Variants in PLA2G4D observed in about 807,000 individuals in gnomAD.
The protein encoded by PLA2G4D is phospholipase A2 group IVD, also known as cytosolic phospholipase A2 delta.
PLA2G4D carries 80 observed loss-of-function variants against 94.4 expected under a neutral mutation model. The observed-to-expected ratio is 0.85, with a 90% CI of 0.71 to 1.02. PLA2G4D has a LOEUF of 1.02. Ranked by LOEUF, PLA2G4D falls within the 50% of genes least tolerant of loss-of-function variation. The probability of loss-of-function intolerance (pLI) is 0.00; values close to 1 mark genes in which losing one functional copy is unlikely to be tolerated. For synonymous variants in PLA2G4D, 438 were observed against 440.9 expected, an observed-to-expected ratio of 0.99 and a Z score of 0.08; for missense variants, 1,050 against 1,034.7, an observed-to-expected ratio of 1.01 and a Z score of -0.20.
At chr15:42,087,243 C>A (rs970575602) in intron 3 of PLA2G4D, 57 bp downstream of exon 3, 4 of 1,607,838 alleles carry the variant, frequency 2.5e-6, no homozygotes, top group Non-Finnish European at 3.4e-6. Context: ...CCCAGGAACC[C>A]TTGCATGGGG....
At chr15:42,079,456 G>A (rs1889989307) in intron 13 of PLA2G4D, 81 bp downstream of exon 13, 15 of 1,360,948 alleles carry the variant, frequency 1.1e-5, no homozygotes, top group Middle Eastern at 2.5e-4. Flanking sequence ...AAATACGCAC[G>A]CGCATGTCAG....
At chr15:42,082,658 A>G (rs1020871028) in intron 8 of PLA2G4D, among the ~76,000 whole-genome samples, 35 of 152,292 alleles carry the variant, frequency 2.3e-4, no homozygotes, top group African/African-American at 8.4e-4. Context: ...AAGTGGTGTG[A>G]TATGACAGTT....
rs553174244 is a variant in PLA2G4D, at chr15:42,092,012, C to T, written c.45+2403G>A. Among the ~76,000 whole-genome samples the T allele has an allele frequency of 5.3e-5, 8 of 152,226 alleles. No individual in the cohort carries two copies. The South Asian group carries it at 1.0e-3, about 20-fold the overall frequency. ...ACAGCCAGACATTCAGGGCCACTACCGGTCTCCGCGCATTGGTGGCAGTGG... is the reference window on the plus strand; with the variant it reads ...ACAGCCAGACATTCAGGGCCACTACTGGTCTCCGCGCATTGGTGGCAGTGG... On this transcript the variant is annotated intron_variant, in intron 1 of 19. Transcript: ENST00000290472.
rs148178869 is a variant in PLA2G4D at position 42,086,474 on chromosome 15, TA to T, written c.256-131del. ...GCCACCACACGTCTGCGCTTCAAAA[TA>T]AAAAAAAAAACTGTAAAACTTAAAT... On this transcript the variant is annotated intron_variant, in intron 3 of 19. Coordinates refer to ENST00000290472, the MANE Select transcript of PLA2G4D (RefSeq NM_178034.4). The T allele has an allele frequency of 9.3e-3, 6,113 of 657,844 alleles. 4 individuals carry two copies. The highest frequency in any genetic ancestry group is 0.03 in the East Asian group (875 of 29,000). The allele number at this position is 657,844 out of a possible 1,614,324, so 40.8% of individuals were successfully genotyped here.
chr15:42,070,886 G>A lies in PLA2G4D; in HGVS notation c.1877-3C>T. 1 of 1,609,962 alleles carries A rather than the reference G, an allele frequency of 6.2e-7. No homozygotes were observed. The highest frequency in any genetic ancestry group is 8.5e-7 in the Non-Finnish European group (1 of 1,178,296). On this transcript the variant is annotated splice_region_variant and splice_polypyrimidine_tract_variant and intron_variant, in intron 17 of 19. Transcript: ENST00000290472. ...GGGCATGGAGTCAAGCTGGTAGTCT[G>A]GTGGGAATCGCAGGATGGTCAGAGG...
chr15:42,090,563 G>C (rs975585782), intron 1 of PLA2G4D, among the ~76,000 whole-genome samples: 2 of 152,138 alleles, frequency 1.3e-5, no homozygotes, highest in Non-Finnish European at 2.9e-5. Context: ...TGCTAGCACC[G>C]GTGCCCTGTG....
At chr15:42,085,168 C>G (rs75621794) in intron 5 of PLA2G4D, 30 bp from the exon 6 acceptor site, 3 of 1,613,932 alleles carry the variant, frequency 1.9e-6, no homozygotes, top group South Asian at 1.1e-5. Flanking sequence ...CAAAGGCAAA[C>G]GCTTCCTGCA....
In PLA2G4D at chr15:42,084,024, G is replaced by C; in HGVS notation, c.472-245C>G. The C allele has an allele frequency of 1.9e-6, 1 of 525,382 alleles. No homozygotes were observed. The highest frequency in any genetic ancestry group is 3.4e-6 in the Non-Finnish European group (1 of 291,700). 32.5% of individuals were successfully genotyped at this position (525,382 alleles called of 1,614,324 possible). A position where few individuals can be genotyped will look rare whatever the true frequency, so the allele number is the denominator to read the frequency against. On this transcript the variant is annotated intron_variant, in intron 6 of 19. Transcript: ENST00000290472. This position sits in a 1 kb window ranked among gnomAD's most constrained non-coding sequence, Gnocchi z 4.8. The stretch of plus-strand genomic sequence containing the variant: ...CCTCCCCTCCAGCTCCCCTGGCTTT[G>C]CCAAACTCCCGAAACCTCCTAGAGC...
intron 7 of PLA2G4D, 64 bp downstream of exon 7, chr15:42,083,652 C>A: frequency 6.3e-7 from 1 of 1,590,224 alleles, no homozygotes; most frequent in South Asian, 1.1e-5. Context: ...GCGCAGGCTT[C>A]CCAGCAATCC....
chr15:42,093,029 GC>G (rs1890271957), intron 1 of PLA2G4D, among the ~76,000 whole-genome samples: 1 of 152,212 alleles, frequency 6.6e-6, no homozygotes, highest in Non-Finnish European at 1.5e-5. Flanking sequence ...CTCAGGCTGG[GC>G]TGAGTCTCCT....
intron 1 of PLA2G4D, among the ~76,000 whole-genome samples, chr15:42,092,055 C>T (rs1890254822): frequency 6.6e-6 from 1 of 152,172 alleles, no homozygotes; most frequent in African/African-American, 2.4e-5. Flanking sequence ...GGCCCAGCTG[C>T]CTTTTCTTTT....
intron 1 of PLA2G4D, among the ~76,000 whole-genome samples, chr15:42,093,920 G>A (rs1415409775): frequency 6.6e-6 from 1 of 152,166 alleles, no homozygotes; most frequent in Non-Finnish European, 1.5e-5. Context: ...GAGGGTGGGG[G>A]GGTGGCGAGA....
rs370682556 is a variant in PLA2G4D at position 42,068,901 on chromosome 15, C to T, written c.2271G>A (p.Val757=). The part of the protein sequence containing the change: ...RSPAELQGGQ[V]DLTGATCPYT... The stretch of plus-strand genomic sequence containing the variant: ...AGGGGCAGGTGGCCCCGGTGAGATC[C>T]ACTTGGCCACCCTGGAGCTCTGCGG... The change falls in exon 20 of 20, where the codon GTG becomes GTA. Residue 757 remains valine (V), a synonymous_variant. Transcript: ENST00000290472. 8.1e-6 allele frequency: 13 copies of T among 1,612,646 alleles called. No individual in the cohort carries two copies. The African/African-American group carries it at 1.2e-4, about 15-fold the overall frequency.
intron 4 of PLA2G4D, among the ~76,000 whole-genome samples, 174 bp downstream of exon 4, chr15:42,086,037 CTG>C (rs1437307467): frequency 6.6e-6 from 1 of 152,236 alleles, no homozygotes; most frequent in Non-Finnish European, 1.5e-5. Context: ...CAGCCTGTAA[CTG>C]TAAAGTGAAG....
chr15:42,092,626 G>A (rs1407173038), intron 1 of PLA2G4D, among the ~76,000 whole-genome samples: 2 of 152,054 alleles, frequency 1.3e-5, no homozygotes, highest in African/African-American at 2.4e-5. Flanking sequence ...GAGGAAATTC[G>A]TCAGCCCAGT....
chr15:42,079,922 C>T (rs681811), intron 12 of PLA2G4D, among the ~76,000 whole-genome samples, 163 bp from the exon 13 acceptor site: 45,786 of 152,100 alleles, frequency 0.3, 7,086 homozygotes, highest in South Asian at 0.37. Flanking sequence ...TCTAGATCAG[C>T]GCTGTCCAAT....
chr15:42,087,835 G>A, intron 1 of PLA2G4D, 135 bp from the exon 2 acceptor site: 1 of 869,172 alleles, frequency 1.2e-6, no homozygotes. Context: ...GGCGTTCCGG[G>A]GACACCCTCT....
At chr15:42,071,099 G>A in intron 17 of PLA2G4D, 24 bp downstream of exon 17, 1 of 1,595,438 alleles carries the variant, frequency 6.3e-7, no homozygotes, top group Non-Finnish European at 8.5e-7. Flanking sequence ...TTGTGACCTA[G>A]GGACCCCTGG....
Position 42,081,806 on chromosome 15 carries a change from G to A in PLA2G4D, c.812C>T (p.Ala271Val). Residue 271 changes from alanine (A) to valine (V), a missense_variant, in exon 10 of 20, where the codon GCA (alanine) becomes GTA (valine). Physicochemically the swap from Ala to Val is moderately conservative, Grantham distance 64. Transcript: ENST00000290472. Reference protein sequence around the residue: ...NAPGVRLQLKAEGCPEELAVH... With the variant: ...NAPGVRLQLKVEGCPEELAVH... The stretch of plus-strand genomic sequence containing the variant: ...TGTGAATGTCCCTTACCAGCCCTCT[G>A]CCTTGAGCTGCAGCCTCACTCCTGG... The A allele has an allele frequency of 1.2e-6, 2 of 1,614,064 alleles. No individual in the cohort carries two copies. The highest frequency in any genetic ancestry group is 1.7e-6 in the Non-Finnish European group (2 of 1,180,020).
Sources: allele counts gnomAD v4.1 joint callset (sites outside exome capture counted in the v4.1 genomes callset), GRCh38; gene constraint gnomAD v4.1.1; non-coding constraint Gnocchi (gnomAD v3.1); transcripts MANE v1.5; gene names NCBI Gene and HGNC (gene_info 2026-07-23, HGNC 2026-07-21).